The following KCNN2 variants were observed in gnomAD, a reference collection of about 807,000 sequenced individuals.
KCNN2 encodes potassium calcium-activated channel subfamily N member 2.
In KCNN2, 24 loss-of-function variants were observed where a neutral mutation model predicts 55.5. The ratio of observed to expected loss-of-function variants is 0.43; its 90% CI spans 0.31 to 0.61. KCNN2 has a LOEUF of 0.61. Ranked by LOEUF, KCNN2 falls within the 20% of genes least tolerant of loss-of-function variation. The pLI, the probability that KCNN2 is intolerant of heterozygous loss-of-function variation, is 0.08. For synonymous variants in KCNN2, 431 were observed against 336.1 expected (o/e 1.28, Z -3.09); for missense variants, 754 against 853.6 (o/e 0.88, Z 1.45).
At chr5:114,140,022 C>T (rs1220129275) in intron 1 of KCNN2, among the ~76,000 whole-genome samples, 2 of 152,020 alleles carry the variant, frequency 1.3e-5, no homozygotes, top group African/African-American at 4.8e-5. Context: ...TGACACTCTT[C>T]TCACCTACTG....
At chr5:114,195,388 CTG>C in intron 1 of KCNN2, among the ~76,000 whole-genome samples, 1 of 151,970 alleles carries the variant, frequency 6.6e-6, no homozygotes, top group Non-Finnish European at 1.5e-5. Flanking sequence ...AGTTTTAAGG[CTG>C]TGTCTTAAAC....
intron 1 of KCNN2, among the ~76,000 whole-genome samples, chr5:114,083,443 A>T (rs1750867165): frequency 6.6e-6 from 1 of 151,922 alleles, no homozygotes; most frequent in East Asian, 1.9e-4. Flanking sequence ...TTGAAATTTT[A>T]TGTTTTTATT....
chr5:114,425,697 T>C lies in KCNN2; in HGVS notation c.1637+20841T>C, dbSNP rs1453102599. On this transcript the variant is annotated intron_variant, in intron 3 of 7. Coordinates refer to ENST00000673685, the MANE Select transcript of KCNN2 (RefSeq NM_021614.4). The stretch of plus-strand genomic sequence containing the variant: ...CCTGTTGGCTCTCCCTTCAAAATTA[T>C]GCCCTGAATTCAACCACTTCTTAGT... 2.0e-5 allele frequency among the ~76,000 whole-genome samples: 3 copies of C among 152,180 alleles called. No homozygotes were observed. The East Asian group carries it at 5.8e-4, about 29-fold the overall frequency.
intron 3 of KCNN2, among the ~76,000 whole-genome samples, chr5:114,448,442 G>T (rs1185570411): frequency 2.6e-5 from 4 of 152,114 alleles, no homozygotes; most frequent in African/African-American, 4.8e-5. Flanking sequence ...TGACATTTTG[G>T]CATTGAAGTC....
intron 1 of KCNN2, among the ~76,000 whole-genome samples, chr5:114,157,978 C>A (rs1026102011): frequency 6.6e-6 from 1 of 151,698 alleles, no homozygotes; most frequent in Non-Finnish European, 1.5e-5. Flanking sequence ...ATGGTAGTTT[C>A]TTTTGCTGTG....
At chr5:114,165,520 A>G (rs192907162) in intron 1 of KCNN2, among the ~76,000 whole-genome samples, 157 of 152,262 alleles carry the variant, frequency 1.0e-3, no homozygotes, top group Admixed American at 1.8e-3. Flanking sequence ...CCAAGTGACT[A>G]AAAGTTCTTT....
intron 3 of KCNN2, among the ~76,000 whole-genome samples, chr5:114,457,401 A>G (rs1030729057): frequency 5.3e-5 from 8 of 152,190 alleles, no homozygotes; most frequent in African/African-American, 1.2e-4. Flanking sequence ...ACATAACAAC[A>G]TTTTTAGAAA....
At chr5:114,066,923 C>G (rs2112519342) in intron 1 of KCNN2, among the ~76,000 whole-genome samples, 1 of 152,214 alleles carries the variant, frequency 6.6e-6, no homozygotes, top group Admixed American at 6.5e-5. Flanking sequence ...GTAAATGGAC[C>G]CAAGTTTCAG....
At chr5:114,314,056 C>T (rs781433834) in intron 2 of KCNN2, among the ~76,000 whole-genome samples, 17 of 152,028 alleles carry the variant, frequency 1.1e-4, no homozygotes, top group Non-Finnish European at 2.2e-4. Context: ...AAAATGATTT[C>T]GTGGATCACT....
At chr5:114,129,523 C>T (rs2112609463) in intron 1 of KCNN2, among the ~76,000 whole-genome samples, 1 of 152,312 alleles carries the variant, frequency 6.6e-6, no homozygotes, top group Middle Eastern at 3.4e-3. Flanking sequence ...ACAAAACCTT[C>T]TTCCATCCTA....
At chr5:114,340,065 T>G (rs957207153) in intron 2 of KCNN2, among the ~76,000 whole-genome samples, 17 of 152,164 alleles carry the variant, frequency 1.1e-4, no homozygotes, top group African/African-American at 3.6e-4. Flanking sequence ...GGACTTTCTA[T>G]CTCTAAAGTC....
intron 1 of KCNN2, among the ~76,000 whole-genome samples, chr5:114,114,086 A>G (rs914104155): frequency 1.1e-4 from 16 of 152,092 alleles, no homozygotes; most frequent in African/African-American, 3.9e-4. Flanking sequence ...CAAACTTACA[A>G]TGTATGTTTT....
rs191997134 is a variant in KCNN2, at chr5:114,102,844, G to T, written c.-271+46344G>T. 2.6e-3 allele frequency among the ~76,000 whole-genome samples: 396 copies of T among 152,288 alleles called. 1 individual carries two copies. The highest frequency in any genetic ancestry group is 8.7e-3 in the African/African-American group (363 of 41,560). On this transcript the variant is annotated intron_variant, in intron 1 of 10. Coordinates refer to the KCNN2 transcript ENST00000512097. ...AAGCTGCTTTGGTTACTGTAGCCTT[G>T]TAGTGTAGTTTGAAGTCAGGTAGCG...
At chr5:114,152,937 G>C (rs924183265) in intron 1 of KCNN2, among the ~76,000 whole-genome samples, 5 of 152,166 alleles carry the variant, frequency 3.3e-5, no homozygotes, top group African/African-American at 1.2e-4. Context: ...CCTTGATGGA[G>C]TAATCTGAAA....
At chr5:114,456,059 A>G (rs1760915148) in intron 3 of KCNN2, among the ~76,000 whole-genome samples, 1 of 152,234 alleles carries the variant, frequency 6.6e-6, no homozygotes, top group East Asian at 1.9e-4. Flanking sequence ...GGTGGCTACA[A>G]TAAACAATAG....
chr5:114,361,523 G>C (rs760489932), upstream of KCNN2, among the ~76,000 whole-genome samples: 1 of 152,236 alleles, frequency 6.6e-6, no homozygotes, highest in Non-Finnish European at 1.5e-5. Flanking sequence ...CGGGCAGCCG[G>C]CAGCCCACTC....
At chr5:114,193,503 C>T (rs1472568807) in intron 1 of KCNN2, among the ~76,000 whole-genome samples, 1 of 152,088 alleles carries the variant, frequency 6.6e-6, no homozygotes, top group Non-Finnish European at 1.5e-5. Context: ...CAAGGCAATC[C>T]TTTAGTTAGT....
chr5:114,082,802 A>G (rs1272389034), intron 1 of KCNN2, among the ~76,000 whole-genome samples: 1 of 152,214 alleles, frequency 6.6e-6, no homozygotes, highest in Non-Finnish European at 1.5e-5. Flanking sequence ...GTGAAATAAG[A>G]CAATCACAAA....
chr5:114,380,066 T>G (rs934393075), intron 2 of KCNN2, among the ~76,000 whole-genome samples: 14 of 151,994 alleles, frequency 9.2e-5, no homozygotes, highest in African/African-American at 3.1e-4. Flanking sequence ...CTCACTTATT[T>G]TAGTCCCATC....
Sources: gnomAD v4.1 joint callset for allele counts (sites outside exome capture counted in the v4.1 genomes callset) on GRCh38, gnomAD v4.1.1 for gene constraint, MANE v1.5 for transcripts, NCBI Gene and HGNC (gene_info 2026-07-23, HGNC 2026-07-21) for gene names.